The following ADGRG7 variants were observed in gnomAD, a reference collection of about 807,000 sequenced individuals.
The protein encoded by ADGRG7 is G-protein coupled receptor 128.
A neutral mutation model predicts 88.6 loss-of-function variants in ADGRG7; 82 were observed. The ratio of observed to expected loss-of-function variants is 0.93; its 90% CI spans 0.77 to 1.11. The LOEUF is 1.11. ADGRG7 is among the 50% of genes most tolerant of loss of function. The pLI is 0.00. For synonymous variants in ADGRG7, 381 were observed against 345.2 expected (o/e 1.10, Z -1.15); for missense variants, 945 against 953.4 (o/e 0.99, Z 0.12).
At chr3:100,673,503 G>A (rs536142715) in intron 15 of ADGRG7, among the ~76,000 whole-genome samples, 8 of 146,286 alleles carry the variant, frequency 5.5e-5, no homozygotes, top group Non-Finnish European at 1.2e-4. Flanking sequence ...GGTCTGTCAT[G>A]CAGGCTGGAG....
chr3:100,639,092 A>C (rs1707596282), intron 6 of ADGRG7, among the ~76,000 whole-genome samples: 1 of 150,798 alleles, frequency 6.6e-6, no homozygotes, highest in South Asian at 2.1e-4. Context: ...ATTGATTCAT[A>C]ACTTGCTTTT....
At chr3:100,682,314 A>G (rs1250473627) in intron 15 of ADGRG7, among the ~76,000 whole-genome samples, 1 of 152,166 alleles carries the variant, frequency 6.6e-6, no homozygotes, top group Admixed American at 6.5e-5. Flanking sequence ...ACACTTGCAC[A>G]TGGAACGTGG....
chr3:100,626,108 G>T (rs987659654), intron 1 of ADGRG7, among the ~76,000 whole-genome samples: 3 of 152,176 alleles, frequency 2.0e-5, no homozygotes, highest in African/African-American at 7.2e-5. Context: ...TGGTATCTCT[G>T]GTAGAATGCA....
Position 100,609,800 on chromosome 3 carries a change from G to C in ADGRG7, c.-57G>C. 1 of 1,327,236 alleles carries C rather than the reference G, an allele frequency of 7.5e-7. No homozygotes were observed. The highest frequency in any genetic ancestry group is 1.1e-6 in the Non-Finnish European group (1 of 922,828). 82.2% of individuals were successfully genotyped at this position (1,327,236 alleles called of 1,614,324 possible). On this transcript the variant is annotated 5_prime_UTR_variant, in exon 1 of 16. Transcript: ENST00000273352. ...TTTCCGATTAAACTTTTTAGCTCAA[G>C]AAGAAAAGAAGCTAGTTATTTCTCA...
intron 14 of ADGRG7, among the ~76,000 whole-genome samples, chr3:100,667,586 T>C (rs1315121477): frequency 6.6e-6 from 1 of 152,222 alleles, no homozygotes; most frequent in East Asian, 1.9e-4. Context: ...TTGATGGACA[T>C]TTGGGTTGGT....
At chr3:100,611,342 C>T (rs1707151635) in intron 1 of ADGRG7, among the ~76,000 whole-genome samples, 1 of 145,698 alleles carries the variant, frequency 6.9e-6, no homozygotes, top group South Asian at 2.2e-4. Context: ...CTTCCTTCCC[C>T]CCGTTCCTTT....
intron 5 of ADGRG7, among the ~76,000 whole-genome samples, chr3:100,636,502 C>G (rs1341270338): frequency 6.6e-6 from 1 of 152,158 alleles, no homozygotes; most frequent in Non-Finnish European, 1.5e-5. Flanking sequence ...GTATATTCAA[C>G]ATTTACTAAT....
intron 6 of ADGRG7, among the ~76,000 whole-genome samples, chr3:100,642,443 G>A (rs1707658367): frequency 6.6e-6 from 1 of 152,152 alleles, no homozygotes; most frequent in Admixed American, 6.5e-5. Context: ...CTCATTTGGA[G>A]GTAGAGAAAA....
At chr3:100,643,705 C>A in intron 8 of ADGRG7, 72 bp downstream of exon 8, 1 of 988,402 alleles carries the variant, frequency 1.0e-6, no homozygotes, top group Non-Finnish European at 1.6e-6. Context: ...CTAATTTACT[C>A]TAGGAGAAAT....
At chr3:100,641,741 G>A (rs1322920332) in intron 6 of ADGRG7, among the ~76,000 whole-genome samples, 6 of 152,220 alleles carry the variant, frequency 3.9e-5, no homozygotes, top group Non-Finnish European at 7.3e-5. Context: ...GGCAGCTTTG[G>A]AAGCCTTAGT....
At chr3:100,663,044 TGTTGCAAAAAACATGTTATTGACTAGG>T (rs1205965446) in intron 14 of ADGRG7, among the ~76,000 whole-genome samples, 1 of 152,068 alleles carries the variant, frequency 6.6e-6, no homozygotes, top group Non-Finnish European at 1.5e-5. Context: ...CAATCTGTTG[TGTTGCAAAAAACATGTTATTGACTAGG>T]AGTCAGGCAA....
At chr3:100,651,883 A>C (rs188750881) in intron 11 of ADGRG7, among the ~76,000 whole-genome samples, 228 of 152,302 alleles carry the variant, frequency 1.5e-3, no homozygotes, top group African/African-American at 5.0e-3. Flanking sequence ...AAGTGATAGC[A>C]TTCAGGATGT....
intron 5 of ADGRG7, among the ~76,000 whole-genome samples, 177 bp from the exon 6 acceptor site, chr3:100,637,125 A>G (rs1293398697): frequency 6.6e-6 from 1 of 152,192 alleles, no homozygotes; most frequent in Non-Finnish European, 1.5e-5. Flanking sequence ...CCTTATCTTG[A>G]TTCTCTCTGT....
At position 100,609,756 on chromosome 3, in the gene ADGRG7, T is replaced by C. The variant is rs1448956021; in HGVS notation, c.-101T>C. On this transcript the variant is annotated 5_prime_UTR_variant, in exon 1 of 16. Coordinates refer to ENST00000273352, the MANE Select transcript of ADGRG7 (RefSeq NM_032787.3). ...GACAGATCACTGAGGGGAGGACTTG[T>C]TTTTCTGTTTTAGAATAGTTTCCGA... The C allele has an allele frequency of 2.4e-6, 2 of 825,578 alleles. No homozygotes were observed. Among genetic ancestry groups the C allele is most frequent in the Admixed American group, 2.2e-5 (1 of 45,100 alleles). The allele number at this position is 825,578 out of a possible 1,614,324, so 51.1% of individuals were successfully genotyped here.
At position 100,656,008 on chromosome 3, in the gene ADGRG7, T is replaced by C. The variant is rs971739805; in HGVS notation, c.1823+13T>C. On this transcript the variant is annotated intron_variant, in intron 13 of 15. Coordinates refer to ENST00000273352, the MANE Select transcript of ADGRG7 (RefSeq NM_032787.3). ...GGCAAGAGAAAATGTGAGTTTATATTTTTTTAAATGTCCAATTGTTTGACC... is the reference window on the plus strand; with the variant it reads ...GGCAAGAGAAAATGTGAGTTTATATCTTTTTAAATGTCCAATTGTTTGACC... 2.6e-6 allele frequency: 4 copies of C among 1,518,146 alleles called. No homozygotes were observed. Among genetic ancestry groups the C allele is most frequent in the Non-Finnish European group, 3.7e-6 (4 of 1,093,140 alleles). The allele number at this position is 1,518,146 out of a possible 1,614,324, so 94.0% of individuals were successfully genotyped here.
chr3:100,686,729 G>A (rs1009504416), intron 15 of ADGRG7, among the ~76,000 whole-genome samples: 8 of 152,208 alleles, frequency 5.3e-5, no homozygotes, highest in African/African-American at 1.7e-4. Context: ...TGTTCCAATG[G>A]TCTATATCTC....
At chr3:100,628,226 C>T (rs1707408440) in intron 1 of ADGRG7, among the ~76,000 whole-genome samples, 1 of 152,048 alleles carries the variant, frequency 6.6e-6, no homozygotes, top group Admixed American at 6.6e-5. Context: ...CAGTTTCTGC[C>T]TGTTTTTCAT....
Position 100,618,433 on chromosome 3 carries a change from T to A in ADGRG7, c.115+8462T>A, listed in dbSNP as rs184560320. ...GGGATCTAGTTTCAGCTTTCTACAT[T>A]CGGCTAGCCAGTTTTCCCAGCACCA... On this transcript the variant is annotated intron_variant, in intron 1 of 15. Coordinates refer to ENST00000273352, the MANE Select transcript of ADGRG7 (RefSeq NM_032787.3). Among the ~76,000 whole-genome samples, 1,154 of 152,276 alleles carry A rather than the reference T, an allele frequency of 7.6e-3. 8 individuals are homozygous for A. Among genetic ancestry groups the A allele is most frequent in the African/African-American group, 0.013 (542 of 41,570 alleles).
intron 10 of ADGRG7, among the ~76,000 whole-genome samples, chr3:100,647,744 T>C (rs1376586983): frequency 1.3e-5 from 2 of 152,198 alleles, no homozygotes; most frequent in Non-Finnish European, 2.9e-5. Flanking sequence ...TGGAATGTTT[T>C]TTATACACAA....
Sources: allele counts gnomAD v4.1 joint callset (sites outside exome capture counted in the v4.1 genomes callset), GRCh38; gene constraint gnomAD v4.1.1; transcripts MANE v1.5; gene names NCBI Gene and HGNC (gene_info 2026-07-23, HGNC 2026-07-21).